MICAL2: variants seen among roughly 807,000 people sequenced by gnomAD.
The protein encoded by MICAL2 is microtubule associated monooxygenase, calponin and LIM domain containing 2, also known as [F-actin]-monooxygenase MICAL2.
A neutral mutation model predicts 127.3 loss-of-function variants in MICAL2; 77 were observed. That is an observed-to-expected ratio of 0.60 (90% CI 0.50 to 0.73). MICAL2 has a LOEUF of 0.73. Ranked by LOEUF, MICAL2 falls within the 30% of genes least tolerant of loss-of-function variation. MICAL2 has a pLI of 0.00. For missense variants in MICAL2, 1,351 were observed against 1,434.4 expected, an observed-to-expected ratio of 0.94 and a Z score of 0.94; for synonymous variants, 570 against 551.1, an observed-to-expected ratio of 1.03 and a Z score of -0.48.
At chr11:12,294,186 C>A (rs926299813), downstream of MICAL2, 1 of 1,613,904 alleles carries the variant, frequency 6.2e-7, no homozygotes, top group African/African-American at 1.3e-5. Flanking sequence ...AAGATGGGGA[C>A]CCCTGCGGAA....
chr11:12,201,379 C>T (rs757853865), intron 3 of MICAL2, among the ~76,000 whole-genome samples: 2 of 151,554 alleles, frequency 1.3e-5, no homozygotes, highest in African/African-American at 4.9e-5. Context: ...GATGATGGAA[C>T]GTTTGCTAGA....
At chr11:12,261,179 G>A in intron 26 of MICAL2, 1 of 985,502 alleles carries the variant, frequency 1.0e-6, no homozygotes, top group Non-Finnish European at 1.2e-6. Context: ...GGGAAGCGTG[G>A]CCTGCCCAGT....
chr11:12,204,478 T>C, intron 4 of MICAL2, 21 bp downstream of exon 4: 1 of 1,611,552 alleles, frequency 6.2e-7, no homozygotes, highest in Non-Finnish European at 8.5e-7. Context: ...TCTATGGTGA[T>C]ATCCCATGAA....
rs190649121 is a variant in MICAL2, at chr11:12,269,142, G to C, written c.3335-6844G>C. On this transcript the variant is annotated intron_variant, in intron 24 of 34. Transcript: ENST00000646065. ...TGGGGACATGTGGCAGCTGGACGGG[G>C]ATTGTTTGCTCAGTGCTGGGGTCTT... is the stretch of plus-strand genomic sequence containing the variant. Among the ~76,000 whole-genome samples the C allele has an allele frequency of 6.5e-3, 983 of 152,292 alleles. 9 individuals are homozygous for C. Among genetic ancestry groups the C allele is most frequent in the African/African-American group, 0.023 (938 of 41,576 alleles).
chr11:12,241,161 A>T lies in MICAL2; in HGVS notation c.2336A>T (p.Gln779Leu). The T allele has an allele frequency of 6.2e-7, 1 of 1,613,318 alleles. No individual in the cohort carries two copies. The highest frequency in any genetic ancestry group is 8.5e-7 in the Non-Finnish European group (1 of 1,179,596). The change falls in exon 18 of 28, where the codon CAG becomes CTG. Residue 779 changes from glutamine to leucine, a missense_variant and splice_region_variant. Around this residue, in one of 2 missense-constraint regions of MICAL2, gnomAD observed 752 missense variants for 719.4 expected, o/e 1.05. Coordinates refer to ENST00000683283, the MANE Select transcript of MICAL2 (RefSeq NM_001282663.2). ...AGCCCATCACCTCCTCTGAAAAGGC[A>T]GGTAGGGCTCCTTCCAGTGGATGCT... ...TPSPSPPLKR[Q>L]FPSVVVTGHV... is the part of the protein sequence containing the mutation.
At chr11:12,287,628 C>G (rs534258512), downstream of MICAL2, among the ~76,000 whole-genome samples, 1 of 152,262 alleles carries the variant, frequency 6.6e-6, no homozygotes, top group South Asian at 2.1e-4. Context: ...CGCACACACA[C>G]TCACACCCCT....
chr11:12,273,369 C>T (rs1218904414), upstream of MICAL2, among the ~76,000 whole-genome samples: 1 of 152,160 alleles, frequency 6.6e-6, no homozygotes, highest in Admixed American at 6.5e-5. Context: ...CTGCCACCAC[C>T]ACCACCATCG....
chr11:12,187,098 C>A (rs886086394), intron 3 of MICAL2, among the ~76,000 whole-genome samples: 1 of 152,234 alleles, frequency 6.6e-6, no homozygotes, highest in Non-Finnish European at 1.5e-5. Flanking sequence ...CCCCTCTGCT[C>A]TCTCCCCGTG....
intron 31 of MICAL2, chr11:12,327,026 G>C: frequency 1.4e-6 from 1 of 696,010 alleles, no homozygotes; most frequent in East Asian, 2.7e-5. Context: ...AGTTGTCTGG[G>C]AATTCAGAGG....
Position 12,255,818 on chromosome 11 carries a change from G to A in MICAL2, c.2955+68G>A. The stretch of plus-strand genomic sequence containing the variant: ...CTGGCATCCCAGGGCGGGCACATGG[G>A]ATGTCGAGAGGATGCCCTGGCCCTC... On this transcript the variant is annotated intron_variant, in intron 23 of 27. Coordinates refer to ENST00000683283, the MANE Select transcript of MICAL2 (RefSeq NM_001282663.2). 14 of 1,297,284 alleles carry A rather than the reference G, an allele frequency of 1.1e-5. 1 individual carries two copies. The South Asian group carries it at 1.8e-4, about 16-fold the overall frequency. 80.4% of individuals were successfully genotyped at this position (1,297,284 alleles called of 1,614,324 possible).
chr11:12,187,968 C>G (rs1241710040), intron 3 of MICAL2, among the ~76,000 whole-genome samples: 1 of 152,058 alleles, frequency 6.6e-6, no homozygotes, highest in Non-Finnish European at 1.5e-5. Context: ...TGTCTGTGAC[C>G]CTCTCTGCCC....
intron 27 of MICAL2, 28 bp downstream of exon 27, chr11:12,262,565 A>G (rs1235714009): frequency 1.3e-6 from 2 of 1,585,416 alleles, no homozygotes; most frequent in South Asian, 2.2e-5. Flanking sequence ...CAATTTTCAA[A>G]GAGTGGTACT....
intron 32 of MICAL2, among the ~76,000 whole-genome samples, chr11:12,345,116 C>CAAAAAAAAAAAAAA (rs796748173): frequency 1.1e-4 from 12 of 110,554 alleles, no homozygotes; most frequent in African/African-American, 3.5e-4. Flanking sequence ...GAATCCATCT[C>CAAAAAAAAAAAAAA]AAAAAAAAAA....
intron 32 of MICAL2, among the ~76,000 whole-genome samples, chr11:12,343,620 C>A (rs529807516): frequency 5.9e-5 from 9 of 151,970 alleles, no homozygotes; most frequent in Admixed American, 5.2e-4. Context: ...CTAGCTAGAA[C>A]GTGTGGGTAT....
intron 11 of MICAL2, among the ~76,000 whole-genome samples, 155 bp from the exon 12 acceptor site, chr11:12,223,256 C>G (rs1857031541): frequency 6.6e-6 from 1 of 152,222 alleles, no homozygotes; most frequent in Non-Finnish European, 1.5e-5. Context: ...TGCTCTATGA[C>G]TGAAGTTGCC....
intron 22 of MICAL2, chr11:12,253,539 C>A (rs919626816): frequency 6.6e-6 from 1 of 152,224 alleles, no homozygotes; most frequent in African/African-American, 2.4e-5. Flanking sequence ...TCTCTACTCT[C>A]ACACCACTCA....
At chr11:12,177,286 A>G (rs1444710806) in intron 3 of MICAL2, among the ~76,000 whole-genome samples, 12 of 152,190 alleles carry the variant, frequency 7.9e-5, no homozygotes, top group African/African-American at 2.9e-4. Context: ...TTGTCCACTC[A>G]TAAGTCTTCT....
intron 4 of MICAL2, among the ~76,000 whole-genome samples, chr11:12,206,055 T>A (rs1854640147): frequency 6.6e-6 from 1 of 152,336 alleles, no homozygotes; most frequent in Non-Finnish European, 1.5e-5. Context: ...CACTTTGAGA[T>A]GAGAAAATTC....
chr11:12,277,064 G>A (rs137966109), intron 1 of MICAL2, among the ~76,000 whole-genome samples: 1 of 152,154 alleles, frequency 6.6e-6, no homozygotes, highest in African/African-American at 2.4e-5. Flanking sequence ...GTGTAAAAAA[G>A]TAGACCGGAG....
Sources: gnomAD v4.1 joint callset for allele counts (sites outside exome capture counted in the v4.1 genomes callset) on GRCh38, gnomAD v4.1.1 for gene constraint, gnomAD v4.1.1 regional missense constraint, MANE v1.5 for transcripts, NCBI Gene and HGNC (gene_info 2026-07-23, HGNC 2026-07-21) for gene names.